Variants in PLA2G4A observed in about 807,000 individuals in gnomAD.
PLA2G4A encodes phospholipase A2 group IVA, also known as cytosolic phospholipase A2.
In PLA2G4A, 40 loss-of-function variants were observed where a neutral mutation model predicts 81.9. That is an observed-to-expected ratio of 0.49 (90% confidence interval 0.38 to 0.64). PLA2G4A has a LOEUF of 0.64. Among genes scored for constraint, PLA2G4A ranks in the 30% least tolerant of loss-of-function variants. The pLI, the probability that PLA2G4A is intolerant of heterozygous loss-of-function variation, is 0.00. For synonymous variants in PLA2G4A, 302 were observed against 296.9 expected (o/e 1.02, Z -0.18); for missense variants, 715 against 905.1 (o/e 0.79, Z 2.69).
Position 186,903,686 on chromosome 1 carries a change from ACT to A in PLA2G4A, c.379-3278_379-3277del, listed in dbSNP as rs1654629227. 2.0e-5 allele frequency among the ~76,000 whole-genome samples: 3 copies of A among 152,286 alleles called. No homozygotes were observed. In the South Asian group the frequency reaches 6.2e-4, roughly 32 times the overall value. On this transcript the variant is annotated intron_variant, in intron 5 of 17. Coordinates refer to ENST00000367466, the MANE Select transcript of PLA2G4A (RefSeq NM_024420.3). ...AGAATATAATGCCTGAGGATCTGTC[ACT>A]GTCCCCCTTCACCCCCACATGGAAG...
chr1:186,846,092 G>A (rs1652164157), intron 1 of PLA2G4A, among the ~76,000 whole-genome samples: 1 of 152,324 alleles, frequency 6.6e-6, no homozygotes, highest in African/African-American at 2.4e-5. Context: ...CCAACTAGTT[G>A]CAGTAAGGTT....
intron 15 of PLA2G4A, among the ~76,000 whole-genome samples, chr1:186,965,912 G>A (rs1224899450): frequency 6.6e-6 from 1 of 152,186 alleles, no homozygotes; most frequent in Middle Eastern, 3.4e-3. Context: ...AATGGAGAGG[G>A]TACACCCTGA....
At chr1:186,838,303 T>C (rs1343682859) in intron 1 of PLA2G4A, among the ~76,000 whole-genome samples, 4 of 152,018 alleles carry the variant, frequency 2.6e-5, no homozygotes, top group Non-Finnish European at 4.4e-5. Flanking sequence ...GAAAGAAAAA[T>C]TGTTTTTAAA....
chr1:186,865,638 A>G (rs994144324), intron 2 of PLA2G4A, among the ~76,000 whole-genome samples: 2 of 152,224 alleles, frequency 1.3e-5, no homozygotes, highest in African/African-American at 4.8e-5. Flanking sequence ...GTTAGGTTGA[A>G]TAGAGAAAAA....
At chr1:186,876,849 A>T (rs1372215138) in intron 3 of PLA2G4A, among the ~76,000 whole-genome samples, 2 of 152,060 alleles carry the variant, frequency 1.3e-5, no homozygotes, top group East Asian at 3.9e-4. Flanking sequence ...ATTTTCCCGA[A>T]GGGTAACCCT....
rs1657976724 is a variant in PLA2G4A at position 186,988,803 on chromosome 1, G to A, written c.*295G>A. On this transcript the variant is annotated 3_prime_UTR_variant, in exon 18 of 18. Coordinates refer to ENST00000367466, the MANE Select transcript of PLA2G4A (RefSeq NM_024420.3). The stretch of plus-strand genomic sequence containing the variant: ...ATTTCTCACCAACTTTCTTATGTGT[G>A]TTCTTTTTAAAAATTTTTTTTCTTT... 1 of 228,988 alleles carries A rather than the reference G, an allele frequency of 4.4e-6. No homozygotes were observed. The highest frequency in any genetic ancestry group is 5.2e-5 in the Admixed American group (1 of 19,242). 14.2% of individuals were successfully genotyped at this position (228,988 alleles called of 1,614,324 possible).
chr1:186,982,495 G>T (rs758876683), intron 17 of PLA2G4A, among the ~76,000 whole-genome samples: 2 of 152,166 alleles, frequency 1.3e-5, no homozygotes, highest in Non-Finnish European at 2.9e-5. Flanking sequence ...ACCCCTGAAG[G>T]TCCATGGGGA....
intron 5 of PLA2G4A, among the ~76,000 whole-genome samples, chr1:186,895,058 C>T (rs1210911661): frequency 1.3e-5 from 2 of 152,144 alleles, no homozygotes; most frequent in African/African-American, 2.4e-5. Flanking sequence ...TGTTGCCTTT[C>T]CTGTTACTGT....
In PLA2G4A at chr1:186,912,795, T is replaced by TATATACATAA. The variant is rs1491113270; in HGVS notation, c.558+1406_558+1407insATATACATAA. On this transcript the variant is annotated intron_variant, in intron 7 of 17. Coordinates refer to ENST00000367466, the MANE Select transcript of PLA2G4A (RefSeq NM_024420.3). The stretch of plus-strand genomic sequence containing the variant: ...ATATATATGTATACTTATATATATA[T>TATATACATAA]GTATATATATATATACATATATATG... 3.9e-3 allele frequency among the ~76,000 whole-genome samples: 485 copies of TATATACATAA among 123,112 alleles called. 12 individuals carry two copies. The highest frequency in any genetic ancestry group is 0.018 in the African/African-American group (465 of 25,218). 80.8% of individuals were successfully genotyped at this position (123,112 alleles called of 152,430 possible). A position where few individuals can be genotyped will look rare whatever the true frequency, so the allele number is the denominator to read the frequency against.
At chr1:186,881,734 G>A (rs1028127698) in intron 3 of PLA2G4A, among the ~76,000 whole-genome samples, 14 of 152,038 alleles carry the variant, frequency 9.2e-5, no homozygotes, top group African/African-American at 3.4e-4. Flanking sequence ...AAATAAACAG[G>A]TTGGGGACAA....
Position 186,988,555 on chromosome 1 carries a change from C to T in PLA2G4A, c.*47C>T. 1.9e-6 allele frequency: 3 copies of T among 1,560,704 alleles called. No individual in the cohort carries two copies. The highest frequency in any genetic ancestry group is 1.7e-4 in the Middle Eastern group (1 of 5,914). On this transcript the variant is annotated 3_prime_UTR_variant, in exon 18 of 18. Transcript: ENST00000367466. ...CAGTTTCTGATGCTGAGGCAGTTTG[C>T]AATCCCATGACAACTGGATTTAAAA...
At chr1:186,832,270 T>C (rs1651619836) in intron 1 of PLA2G4A, among the ~76,000 whole-genome samples, 1 of 152,092 alleles carries the variant, frequency 6.6e-6, no homozygotes. Context: ...TATTTCCTTA[T>C]GGTAGATTCT....
chr1:186,972,308 T>G (rs1344211938), intron 15 of PLA2G4A, among the ~76,000 whole-genome samples: 1 of 152,120 alleles, frequency 6.6e-6, no homozygotes, highest in African/African-American at 2.4e-5. Context: ...TTTAATATCT[T>G]AGATGTATAA....
At chr1:186,982,768 T>C (rs1178743808) in intron 17 of PLA2G4A, among the ~76,000 whole-genome samples, 3 of 152,138 alleles carry the variant, frequency 2.0e-5, no homozygotes, top group Non-Finnish European at 4.4e-5. Flanking sequence ...GACTCCCTTC[T>C]TCTCCACTTT....
chr1:186,943,407 C>T (rs930903201), intron 10 of PLA2G4A, among the ~76,000 whole-genome samples: 3 of 152,138 alleles, frequency 2.0e-5, no homozygotes, highest in Non-Finnish European at 4.4e-5. Context: ...TAGCATCATG[C>T]TAAATTTTTT....
At chr1:186,880,145 TG>T (rs1246288405) in intron 3 of PLA2G4A, among the ~76,000 whole-genome samples, 1 of 151,950 alleles carries the variant, frequency 6.6e-6, no homozygotes, top group Non-Finnish European at 1.5e-5. Context: ...GAGCAGTGTG[TG>T]GGGTAAGTGG....
intron 15 of PLA2G4A, among the ~76,000 whole-genome samples, chr1:186,969,440 A>T (rs1010938624): frequency 6.6e-6 from 1 of 151,780 alleles, no homozygotes. Context: ...TTATTTTGAA[A>T]TATATAATAA....
chr1:186,979,555 T>A, intron 17 of PLA2G4A, 83 bp downstream of exon 17: 1 of 925,572 alleles, frequency 1.1e-6, no homozygotes, highest in Admixed American at 1.9e-5. Context: ...CAATTAAAAA[T>A]AAAAAAATAA....
At chr1:186,900,703 A>C (rs1195336611) in intron 5 of PLA2G4A, among the ~76,000 whole-genome samples, 2 of 152,326 alleles carry the variant, frequency 1.3e-5, no homozygotes, top group East Asian at 3.9e-4. Context: ...CAAAAGAATC[A>C]TGGAAATGCC....
Sources: gnomAD v4.1 joint callset for allele counts (sites outside exome capture counted in the v4.1 genomes callset) on GRCh38, gnomAD v4.1.1 for gene constraint, MANE v1.5 for transcripts, NCBI Gene and HGNC (gene_info 2026-07-23, HGNC 2026-07-21) for gene names.